The following PLXNB1 variants were observed in gnomAD, a reference collection of about 807,000 sequenced individuals.
PLXNB1 encodes plexin B1.
Under a neutral mutation model 209.4 loss-of-function variants are expected in PLXNB1, and 106 were observed. The ratio of observed to expected loss-of-function variants is 0.51; its 90% CI spans 0.43 to 0.59. The LOEUF (loss-of-function observed/expected upper bound fraction) is 0.59. PLXNB1 is among the 20% of genes least tolerant of loss of function. The pLI is 0.00. For synonymous variants in PLXNB1, 1,167 were observed against 1,183.2 expected, an observed-to-expected ratio of 0.99 and a Z score of 0.28; for missense variants, 2,357 against 2,853.2, an observed-to-expected ratio of 0.83 and a Z score of 3.96.
chr3:48,421,879 A>G, intron 6 of PLXNB1, 73 bp from the exon 7 acceptor site: 1 of 1,541,398 alleles, frequency 6.5e-7, no homozygotes, highest in Admixed American at 1.9e-5. Context: ...GGACTCCTAC[A>G]ATCTGGAGGA....
Position 48,411,914 on chromosome 3 carries a change from G to T in PLXNB1, c.5196C>A (p.Tyr1732Ter), listed in dbSNP as rs2037708713. 6.2e-7 allele frequency: 1 copy of T among 1,614,036 alleles called. No individual in the cohort carries two copies. Among genetic ancestry groups the T allele is most frequent in the South Asian group, 1.1e-5 (1 of 91,082 alleles). ...PVDSVTGKAK[Y>*]TLNDNRLLRE... Reference sequence around the variant, plus strand: ...TGAGCAGGCGGTTGTCGTTCAAGGTGTATTTGGCCTTGCCTGTCACACTGT... The same window carrying T: ...TGAGCAGGCGGTTGTCGTTCAAGGTTTATTTGGCCTTGCCTGTCACACTGT... The change falls in exon 28 of 38, where the codon TAC becomes TAA. Residue 1732 changes from tyrosine (Y) to a stop codon, truncating the protein, a stop_gained. Coordinates refer to ENST00000296440, the MANE Select transcript of PLXNB1 (RefSeq NM_001130082.3). LOFTEE classifies it high-confidence loss of function. The surrounding 1 kb of genome is among the most constrained non-coding windows in gnomAD (Gnocchi z 4.0).
At chr3:48,425,226 C>CAGAAT (rs1445873732) in intron 2 of PLXNB1, 55 bp downstream of exon 2, 3 of 153,012 alleles carry the variant, frequency 2.0e-5, no homozygotes, top group Non-Finnish European at 4.4e-5. Context: ...CGAGAGCCCT[C>CAGAAT]AGAATAGGTA....
Position 48,410,426 on chromosome 3 carries a change from T to G in PLXNB1, c.5520+29A>C, listed in dbSNP as rs774395327. The G allele has an allele frequency of 1.2e-6, 2 of 1,611,384 alleles. No homozygotes were observed. The highest frequency in any genetic ancestry group is 1.7e-6 in the Non-Finnish European group (2 of 1,177,570). ...TCCCTCCACCAGTCCCACCCCACCATGCCCTCCTCCAGCTCCCACTCCTCC... is the reference window on the plus strand; with the variant it reads ...TCCCTCCACCAGTCCCACCCCACCAGGCCCTCCTCCAGCTCCCACTCCTCC... On this transcript the variant is annotated intron_variant, in intron 30 of 37. Coordinates refer to ENST00000296440, the MANE Select transcript of PLXNB1 (RefSeq NM_001130082.3). The surrounding 1 kb of genome is among the most constrained non-coding windows in gnomAD (Gnocchi z 6.4).
Position 48,423,807 on chromosome 3 carries a change from C to A in PLXNB1, c.805G>T (p.Glu269Ter). The change falls in exon 3 of 38, where the codon GAA becomes TAA. Residue 269 changes from glutamate to a stop codon, truncating the protein, a stop_gained. Transcript: ENST00000296440. LOFTEE classifies it high-confidence loss of function. ...TGGATCAGCCCGTAGCGGCCACCTT[C>A]GCAGGCCAGAGGCAACTCCACATAG... ...YSYVELPLAC[E>*]GGRYGLIQAA... is the part of the protein sequence containing the mutation. 6.2e-7 allele frequency: 1 copy of A among 1,613,966 alleles called. No homozygotes were observed. The highest frequency in any genetic ancestry group is 1.3e-5 in the African/African-American group (1 of 75,054).
rs562440366 is a variant in PLXNB1 at position 48,420,531 on chromosome 3, A to T, written c.2028+134T>A. 17 of 718,002 alleles carry T rather than the reference A, an allele frequency of 2.4e-5. No homozygotes were observed. In the East Asian group the frequency reaches 4.3e-4, roughly 18 times the overall value. 44.5% of individuals were successfully genotyped at this position (718,002 alleles called of 1,614,324 possible). A position where few individuals can be genotyped will look rare whatever the true frequency, so the allele number is the denominator to read the frequency against. ...ATGTATCGGCGGCTGTTCTCCAGGG[A>T]GTCCGTCACATACAGCGGCTCTGGT... On this transcript the variant is annotated intron_variant, in intron 10 of 37. Coordinates refer to ENST00000296440, the MANE Select transcript of PLXNB1 (RefSeq NM_001130082.3).
In PLXNB1 at chr3:48,406,894, A is replaced by T. The variant is rs998353780; in HGVS notation, c.6157T>A (p.Tyr2053Asn). The T allele has an allele frequency of 1.2e-6, 2 of 1,613,126 alleles. No individual in the cohort carries two copies. The highest frequency in any genetic ancestry group is 1.7e-6 in the Non-Finnish European group (2 of 1,179,588). ...PRYKRMVERYYADIRQTVPAS... is the reference protein window; with the variant it reads ...PRYKRMVERYNADIRQTVPAS... ...GGGACAGTCTGTCTGATGTCTGCAT[A>T]GTACCTGCCAGAGAGCCAGGGCACA... The change falls in exon 36 of 38, where the codon TAT (tyrosine) becomes AAT (asparagine). Residue 2053 changes from tyrosine to asparagine, a missense_variant. By Grantham distance (143) the Tyr-to-Asn change is moderately radical (BLOSUM62 -2). This residue lies in a region of PLXNB1 where 414 missense variants were observed against 520.5 expected (regional missense o/e 0.80). Coordinates refer to ENST00000296440, the MANE Select transcript of PLXNB1 (RefSeq NM_001130082.3). The surrounding 1 kb of genome is among the most constrained non-coding windows in gnomAD (Gnocchi z 4.4).
At chr3:48,421,098 G>A in intron 8 of PLXNB1, 130 bp downstream of exon 8, 1 of 1,298,720 alleles carries the variant, frequency 7.7e-7, no homozygotes, top group Non-Finnish European at 1.1e-6. Flanking sequence ...GGCTTCAGGT[G>A]GTTGGGGAGT....
chr3:48,420,513 G>C lies in PLXNB1; in HGVS notation c.2028+152C>G, dbSNP rs1010153722. On this transcript the variant is annotated intron_variant, in intron 10 of 37. Transcript: ENST00000296440. ...TCTCCCAAAACAGGCGGGATGTATC[G>C]GCGGCTGTTCTCCAGGGAGTCCGTC... The C allele has an allele frequency of 8.8e-6, 6 of 678,826 alleles. 1 individual carries two copies. The South Asian group carries it at 1.1e-4, about 12-fold the overall frequency. 42.1% of individuals were successfully genotyped at this position (678,826 alleles called of 1,614,324 possible). A position where few individuals can be genotyped will look rare whatever the true frequency, so the allele number is the denominator to read the frequency against.
chr3:48,418,622 TA>T lies in PLXNB1; in HGVS notation c.2956-81del, dbSNP rs2038267224. 2.6e-6 allele frequency: 3 copies of T among 1,169,582 alleles called. 1 individual carries two copies. Among genetic ancestry groups the T allele is most frequent in the Non-Finnish European group, 3.7e-6 (3 of 809,354 alleles). The allele number at this position is 1,169,582 out of a possible 1,614,324, so 72.5% of individuals were successfully genotyped here. On this transcript the variant is annotated intron_variant, in intron 13 of 37. Coordinates refer to ENST00000296440, the MANE Select transcript of PLXNB1 (RefSeq NM_001130082.3). The surrounding 1 kb of genome is among the most constrained non-coding windows in gnomAD (Gnocchi z 6.6). ...GGGAGGGGTTAGTCAGAGAAAGGAC[TA>T]AAACGACCAGTTAGGAGCATAGGGT...
chr3:48,412,218 G>GTCCACCTCT lies in PLXNB1; in HGVS notation c.5100+11_5100+19dup, dbSNP rs1349894341. On this transcript the variant is annotated intron_variant, in intron 27 of 37. Coordinates refer to ENST00000296440, the MANE Select transcript of PLXNB1 (RefSeq NM_001130082.3). The stretch of plus-strand genomic sequence containing the variant: ...CTGACCCTCCCTGGACAGGAGCCCT[G>GTCCACCTCT]TCCACCTCTGCCCCCTCACCCTCAC... 2.5e-6 allele frequency: 4 copies of GTCCACCTCT among 1,612,542 alleles called. No individual in the cohort carries two copies. The highest frequency in any genetic ancestry group is 3.4e-6 in the Non-Finnish European group (4 of 1,178,856).
chr3:48,421,922 G>A (rs929164651), intron 6 of PLXNB1, 116 bp from the exon 7 acceptor site: 8 of 1,466,348 alleles, frequency 5.5e-6, no homozygotes, highest in East Asian at 4.6e-5. Context: ...GCATGATAGA[G>A]GCTCCTGTGT....
chr3:48,413,044 G>T lies in PLXNB1; in HGVS notation c.4636+25C>A, dbSNP rs779903069. The T allele has an allele frequency of 1.7e-5, 28 of 1,608,910 alleles. No homozygotes were observed. In the East Asian group the frequency reaches 6.2e-4, roughly 36 times the overall value. ...GTGGGTTTGGGCAGAGTTCTGGAGG[G>T]CGGGGCCCATTCTCTCAGCCACACC... On this transcript the variant is annotated intron_variant, in intron 24 of 37. Coordinates refer to ENST00000296440, the MANE Select transcript of PLXNB1 (RefSeq NM_001130082.3). The surrounding 1 kb of genome is among the most constrained non-coding windows in gnomAD (Gnocchi z 5.4).
Position 48,409,277 on chromosome 3 carries a change from C to T in PLXNB1, c.6087+52G>A. 6.3e-7 allele frequency: 1 copy of T among 1,585,974 alleles called. No homozygotes were observed. Among genetic ancestry groups the T allele is most frequent in the Non-Finnish European group, 8.6e-7 (1 of 1,167,310 alleles). ...AAAGCCTGGAATCTGAGTGCACACA[C>T]AGCACTGTCCACCCTCACCCATCCC... On this transcript the variant is annotated intron_variant, in intron 34 of 37. Transcript: ENST00000296440. The surrounding 1 kb of genome is among the most constrained non-coding windows in gnomAD (Gnocchi z 5.8).
In PLXNB1 at chr3:48,410,481, G is replaced by A. The variant is rs367699873; in HGVS notation, c.5494C>T (p.Arg1832Cys). 1.3e-5 allele frequency: 21 copies of A among 1,613,842 alleles called. No individual in the cohort carries two copies. The highest frequency in any genetic ancestry group is 1.7e-5 in the Non-Finnish European group (20 of 1,179,874). ...TTGTAATGCTGCAGTGTGTTCAGGC[G>A]CCTCCACAGACCCTGGACCTCAGAA... is the stretch of plus-strand genomic sequence containing the variant. ...VTSEVQGLWR[R>C]LNTLQHYKVP... The change falls in exon 30 of 38, where the codon CGC becomes TGC. Residue 1832 changes from arginine to cysteine, a missense_variant. Physicochemically the swap from Arg to Cys is radical, Grantham distance 180 (BLOSUM62 -3). This residue lies in a region of PLXNB1 where 414 missense variants were observed against 520.5 expected (regional missense o/e 0.80). Transcript: ENST00000296440. This position sits in a 1 kb window ranked among gnomAD's most constrained non-coding sequence, Gnocchi z 6.4.
chr3:48,418,101 G>GA lies in PLXNB1; in HGVS notation c.3223-40dup. On this transcript the variant is annotated intron_variant, in intron 15 of 37. Coordinates refer to ENST00000296440, the MANE Select transcript of PLXNB1 (RefSeq NM_001130082.3). The surrounding 1 kb of genome is among the most constrained non-coding windows in gnomAD (Gnocchi z 6.6). Reference sequence around the variant, plus strand: ...AGGACTGCTCACCTCTACTCAACTGGAAAGGCAGCCCCAACCTCCCACCTT... The same window carrying GA: ...AGGACTGCTCACCTCTACTCAACTGGAAAAGGCAGCCCCAACCTCCCACCTT... The GA allele has an allele frequency of 1.2e-6, 2 of 1,607,870 alleles. No homozygotes were observed. The highest frequency in any genetic ancestry group is 1.7e-6 in the Non-Finnish European group (2 of 1,176,004).
intron 34 of PLXNB1, among the ~76,000 whole-genome samples, chr3:48,408,490 T>C (rs11130170): frequency 0.61 from 93,160 of 151,896 alleles, 28,871 homozygotes; most frequent in African/African-American, 0.72. Flanking sequence ...CAGGGGACTC[T>C]CGGCTTTGAC....
chr3:48,412,897 C>G lies in PLXNB1; in HGVS notation c.4699G>C (p.Asp1567His). ...ATCCTCTCCGCATACACCTTGTAGT[C>G]GAGGAAGGGGATGCCGCTGCCCAGG... ...DLLGSGIPFLDYKVYAERIFF... is the reference protein window; with the variant it reads ...DLLGSGIPFLHYKVYAERIFF... Residue 1567 changes from aspartate (D) to histidine (H), a missense_variant, in exon 25 of 38, where the codon GAC (aspartate) becomes CAC (histidine). Asp to His is a moderately conservative substitution (Grantham distance 81). Transcript: ENST00000296440. The G allele has an allele frequency of 6.2e-7, 1 of 1,614,030 alleles. No homozygotes were observed. The highest frequency in any genetic ancestry group is 1.1e-5 in the South Asian group (1 of 91,074).
In PLXNB1 at chr3:48,422,207, T is replaced by C; in HGVS notation, c.1420-2A>G. On this transcript the variant is annotated splice_acceptor_variant, in intron 5 of 37. Coordinates refer to ENST00000296440, the MANE Select transcript of PLXNB1 (RefSeq NM_001130082.3). LOFTEE classifies it high-confidence loss of function. ...GGAAGCCACAGGAACCTTCAGAAGC[T>C]GAGACAGCAAAGAGGACCTGAGGCC... The C allele has an allele frequency of 6.2e-7, 1 of 1,613,840 alleles. No homozygotes were observed. The highest frequency in any genetic ancestry group is 8.5e-7 in the Non-Finnish European group (1 of 1,179,790).
At chr3:48,420,634 C>T (rs753786419) in intron 10 of PLXNB1, 31 bp downstream of exon 10, 1 of 1,571,418 alleles carries the variant, frequency 6.4e-7, no homozygotes, top group Non-Finnish European at 8.8e-7. Flanking sequence ...CCCAACCCCC[C>T]CGGTATGGCC....
Sources: gnomAD v4.1 joint callset for allele counts (sites outside exome capture counted in the v4.1 genomes callset) on GRCh38, gnomAD v4.1.1 for gene constraint, gnomAD v4.1.1 regional missense constraint, Gnocchi (gnomAD v3.1) non-coding constraint, MANE v1.5 for transcripts, NCBI Gene and HGNC (gene_info 2026-07-23, HGNC 2026-07-21) for gene names.